Variants in NFIA observed in about 807,000 individuals in gnomAD.
NFIA encodes the protein nuclear factor I A, also known as nuclear factor 1 A-type.
A neutral mutation model predicts 62.8 loss-of-function variants in NFIA; 8 were observed. The observed-to-expected ratio is 0.13, with a 90% CI of 0.07 to 0.23. The LOEUF is 0.23. Among genes scored for constraint, NFIA ranks in the 10% least tolerant of loss-of-function variants. The pLI is 1.00. For missense variants in NFIA, 410 were observed against 642.1 expected, an observed-to-expected ratio of 0.64 and a Z score of 3.91; for synonymous variants, 235 against 238.1, an observed-to-expected ratio of 0.99 and a Z score of 0.12.
chr1:61,117,140 T>C (rs1028954556), intron 2 of NFIA, among the ~76,000 whole-genome samples: 1 of 152,214 alleles, frequency 6.6e-6, no homozygotes, highest in Non-Finnish European at 1.5e-5. Flanking sequence ...TCCAGCATGA[T>C]TGCACCCATC....
intron 6 of NFIA, among the ~76,000 whole-genome samples, chr1:61,376,411 T>C (rs1419483507): frequency 1.3e-5 from 2 of 152,192 alleles, no homozygotes; most frequent in Non-Finnish European, 2.9e-5. Flanking sequence ...AAAACATTTA[T>C]ATACTCTTTT....
chr1:61,169,214 A>G (rs919745226), intron 2 of NFIA, among the ~76,000 whole-genome samples: 3 of 152,194 alleles, frequency 2.0e-5, no homozygotes, highest in Non-Finnish European at 4.4e-5. Context: ...CTTAAAAGGC[A>G]ACATAGAAGG....
intron 6 of NFIA, among the ~76,000 whole-genome samples, chr1:61,366,485 A>T (rs1663594968): frequency 6.6e-6 from 1 of 152,208 alleles, no homozygotes; most frequent in African/African-American, 2.4e-5. Context: ...ACATCCACCA[A>T]CATGTTGAAA....
intron 5 of NFIA, among the ~76,000 whole-genome samples, chr1:61,353,926 G>T (rs575402834): frequency 5.3e-5 from 8 of 152,306 alleles, no homozygotes; most frequent in African/African-American, 1.9e-4. Context: ...TTGAATGTTT[G>T]CTGATGGGAG....
intron 2 of NFIA, among the ~76,000 whole-genome samples, chr1:61,166,957 C>T (rs577777923): frequency 3.3e-5 from 5 of 152,222 alleles, no homozygotes; most frequent in African/African-American, 4.8e-5. Flanking sequence ...CTGGCTAACA[C>T]GGTGAAACCC....
At chr1:61,321,100 G>A (rs1387511767) in intron 3 of NFIA, among the ~76,000 whole-genome samples, 2 of 151,924 alleles carry the variant, frequency 1.3e-5, no homozygotes, top group East Asian at 3.9e-4. Context: ...TTAATTTATA[G>A]TGCATTAAAA....
At chr1:61,133,459 G>A (rs576018147) in intron 2 of NFIA, among the ~76,000 whole-genome samples, 79 of 152,248 alleles carry the variant, frequency 5.2e-4, no homozygotes, top group Middle Eastern at 6.8e-3. Flanking sequence ...ATGAGGAAGG[G>A]AACTTACTAG....
At chr1:61,390,665 C>G (rs1664926831) in intron 7 of NFIA, among the ~76,000 whole-genome samples, 1 of 151,940 alleles carries the variant, frequency 6.6e-6, no homozygotes, top group Admixed American at 6.6e-5. Flanking sequence ...GTTGGGGTCA[C>G]CAAGAAAGGT....
intron 2 of NFIA, among the ~76,000 whole-genome samples, chr1:61,146,224 C>G (rs972411152): frequency 1.3e-5 from 2 of 152,168 alleles, no homozygotes; most frequent in Non-Finnish European, 2.9e-5. Flanking sequence ...ATCATTGGGC[C>G]TGCCTGAATA....
At chr1:61,109,493 A>ATTT (rs11377718) in intron 2 of NFIA, among the ~76,000 whole-genome samples, 5 of 150,114 alleles carry the variant, frequency 3.3e-5, no homozygotes, top group South Asian at 2.1e-4. Flanking sequence ...TCTTATGAGT[A>ATTT]TTTTTTTTTG....
intron 2 of NFIA, among the ~76,000 whole-genome samples, chr1:61,237,861 TA>T (rs1344463819): frequency 6.6e-6 from 1 of 152,204 alleles, no homozygotes; most frequent in Non-Finnish European, 1.5e-5. Context: ...GGAACAGCTG[TA>T]AAACCTCTTG....
chr1:61,326,551 A>G (rs1055105021), intron 3 of NFIA, among the ~76,000 whole-genome samples: 1 of 152,202 alleles, frequency 6.6e-6, no homozygotes, highest in African/African-American at 2.4e-5. Context: ...CCCATCAGGC[A>G]GTGTGTCAAG....
chr1:61,200,042 A>ATG (rs1570366320), intron 2 of NFIA, among the ~76,000 whole-genome samples: 20 of 49,276 alleles, frequency 4.1e-4, no homozygotes, highest in South Asian at 2.6e-3. Flanking sequence ...ATATATATAT[A>ATG]TATATATATA....
rs149210377 is a variant in NFIA, at chr1:61,324,569, T to G, written c.626-7943T>G. On this transcript the variant is annotated intron_variant, in intron 3 of 10. Coordinates refer to ENST00000403491, the MANE Select transcript of NFIA (RefSeq NM_001134673.4). ...TTCTCAGATGCAAAATTAACTCTGTTTCTTGGACCTGAAAACTTTCTTTAG... is the reference window on the plus strand; with the variant it reads ...TTCTCAGATGCAAAATTAACTCTGTGTCTTGGACCTGAAAACTTTCTTTAG... 6.2e-4 allele frequency among the ~76,000 whole-genome samples: 94 copies of G among 152,312 alleles called. 2 individuals carry two copies. In the East Asian group the frequency reaches 0.014, roughly 22 times the overall value.
intron 2 of NFIA, among the ~76,000 whole-genome samples, chr1:61,107,961 A>G (rs61770476): frequency 0.027 from 4,134 of 151,650 alleles, 86 homozygotes; most frequent in Non-Finnish European, 0.044. Context: ...TATTTTTTAT[A>G]TTTGTGTATG....
chr1:61,203,475 T>C (rs1343748607), intron 2 of NFIA, among the ~76,000 whole-genome samples: 3 of 152,160 alleles, frequency 2.0e-5, no homozygotes, highest in Non-Finnish European at 2.9e-5. Flanking sequence ...ATGCCTGTTT[T>C]TCTGCCTGGG....
At chr1:61,313,590 A>T (rs920573524) in intron 3 of NFIA, among the ~76,000 whole-genome samples, 2 of 152,196 alleles carry the variant, frequency 1.3e-5, no homozygotes, top group African/African-American at 4.8e-5. Flanking sequence ...ACAGTTCAAC[A>T]TGAGATTTAG....
At chr1:61,356,307 G>A (rs1243600741) in intron 5 of NFIA, among the ~76,000 whole-genome samples, 3 of 152,156 alleles carry the variant, frequency 2.0e-5, no homozygotes, top group African/African-American at 7.2e-5. Flanking sequence ...GAGTACTTCA[G>A]GGAAATGTTT....
intron 5 of NFIA, among the ~76,000 whole-genome samples, chr1:61,358,843 C>T (rs113613566): frequency 1.4e-4 from 1 of 7,322 alleles, no homozygotes; most frequent in Non-Finnish European, 3.6e-4. Flanking sequence ...CCCAACACTT[C>T]CAGGTGGAGG....
Sources: gnomAD v4.1 joint callset for allele counts (sites outside exome capture counted in the v4.1 genomes callset) on GRCh38, gnomAD v4.1.1 for gene constraint, MANE v1.5 for transcripts, NCBI Gene and HGNC (gene_info 2026-07-23, HGNC 2026-07-21) for gene names.